ADAMTS16: variants seen among roughly 807,000 people sequenced by gnomAD.
ADAMTS16 encodes the protein A disintegrin and metalloproteinase with thrombospondin motifs 16.
In ADAMTS16, 94 loss-of-function variants were observed where a neutral mutation model predicts 145.8. The observed-to-expected ratio is 0.64, with a 90% CI of 0.55 to 0.77. The LOEUF is 0.77. ADAMTS16 is among the 30% of genes least tolerant of loss of function. The pLI, the probability that ADAMTS16 is intolerant of heterozygous loss-of-function variation, is 0.00. For missense variants in ADAMTS16, 1,585 were observed against 1,591.5 expected (o/e 1.00, Z 0.07); for synonymous variants, 659 against 604.3 (o/e 1.09, Z -1.33).
At chr5:5,316,209 G>T (rs1320250045) in intron 21 of ADAMTS16, among the ~76,000 whole-genome samples, 1 of 152,206 alleles carries the variant, frequency 6.6e-6, no homozygotes, top group Non-Finnish European at 1.5e-5. Context: ...TGCTGGAATG[G>T]TCTCTGACAT....
At chr5:5,177,180 G>T (rs926770503) in intron 3 of ADAMTS16, among the ~76,000 whole-genome samples, 2 of 152,178 alleles carry the variant, frequency 1.3e-5, no homozygotes, top group Admixed American at 1.3e-4. Context: ...CCTTTCTGAT[G>T]GATTATGATG....
chr5:5,204,503 A>G (rs1033864072), intron 9 of ADAMTS16, among the ~76,000 whole-genome samples: 16 of 152,138 alleles, frequency 1.1e-4, no homozygotes, highest in African/African-American at 3.6e-4. Context: ...CTCTTCCCCA[A>G]AGGTAACCAC....
chr5:5,254,674 A>G (rs1414753631), intron 17 of ADAMTS16, among the ~76,000 whole-genome samples: 1 of 152,174 alleles, frequency 6.6e-6, no homozygotes, highest in African/African-American at 2.4e-5. Context: ...CCTTTAATCC[A>G]TTACATGGTG....
intron 10 of ADAMTS16, among the ~76,000 whole-genome samples, chr5:5,219,818 C>CTT (rs1369039642): frequency 6.6e-6 from 1 of 152,182 alleles, no homozygotes; most frequent in Non-Finnish European, 1.5e-5. Flanking sequence ...TATTTGAAGG[C>CTT]TTTATACTTT....
intron 18 of ADAMTS16, among the ~76,000 whole-genome samples, chr5:5,270,054 T>C (rs1469625307): frequency 2.6e-5 from 4 of 152,180 alleles, no homozygotes; most frequent in Admixed American, 2.0e-4. Flanking sequence ...AATGTTCATA[T>C]TGCCCTCTGA....
chr5:5,301,748 G>A (rs973187712), intron 18 of ADAMTS16, among the ~76,000 whole-genome samples: 23 of 152,276 alleles, frequency 1.5e-4, no homozygotes, highest in Middle Eastern at 3.4e-3. Context: ...ACAAGTCCTC[G>A]GGTTTACCCT....
intron 1 of ADAMTS16, 51 bp from the exon 2 acceptor site, chr5:5,140,613 T>C (rs1314616309): frequency 7.2e-6 from 11 of 1,523,182 alleles, no homozygotes; most frequent in Non-Finnish European, 8.8e-6. Context: ...CCGCGGCTCC[T>C]CTCCCGCGGA....
chr5:5,237,155 C>T, intron 14 of ADAMTS16, 56 bp downstream of exon 14: 2 of 1,575,718 alleles, frequency 1.3e-6, no homozygotes, highest in Non-Finnish European at 8.7e-7. Context: ...TGCTTTGTGT[C>T]AAGCATCCTG....
Position 5,209,220 on chromosome 5 carries a change from A to G in ADAMTS16, c.1579A>G (p.Lys527Glu), listed in dbSNP as rs765060919. 6.2e-7 allele frequency: 1 copy of G among 1,614,012 alleles called. No homozygotes were observed. The highest frequency in any genetic ancestry group is 8.5e-7 in the Non-Finnish European group (1 of 1,179,888). The change falls in exon 10 of 23, where the codon AAG (lysine) becomes GAG (glutamate). Residue 527 changes from lysine to glutamate, a missense_variant. Physicochemically the swap from Lys to Glu is moderately conservative, Grantham distance 56. This residue lies in a region of ADAMTS16 where 298 missense variants were observed against 367.6 expected (regional missense o/e 0.81). Transcript: ENST00000274181. The part of the protein sequence containing the change: ...QCKWQFGEKA[K>E]LCMLDFKKDI... ...CAAGTGGCAGTTCGGAGAGAAAGCC[A>G]AGCTCTGCATGCTGGACTTTAAAAA...
At chr5:5,261,731 G>A (rs968715624) in intron 17 of ADAMTS16, among the ~76,000 whole-genome samples, 4 of 152,074 alleles carry the variant, frequency 2.6e-5, no homozygotes, top group African/African-American at 4.8e-5. Flanking sequence ...TGATCCACCC[G>A]CCTCGGCCGC....
chr5:5,243,817 C>G (rs746099540), intron 17 of ADAMTS16, among the ~76,000 whole-genome samples: 1 of 152,164 alleles, frequency 6.6e-6, no homozygotes, highest in Non-Finnish European at 1.5e-5. Flanking sequence ...ACTCAGTGTT[C>G]TCAGCTGCTA....
rs773028732 is a variant in ADAMTS16, at chr5:5,140,693, G to T, written c.102G>T (p.Ala34=). 3.8e-6 allele frequency: 6 copies of T among 1,563,638 alleles called. No homozygotes were observed. The highest frequency in any genetic ancestry group is 1.9e-5 in the Admixed American group (1 of 53,262). The change falls in exon 2 of 23, where the codon GCG becomes GCT. Residue 34 remains alanine, a synonymous_variant. Transcript: ENST00000274181. ...QAPACAMGPA[A]AAPGSPSVPR... is the part of the protein sequence containing the mutation. ...CTGCGTGCGCCATGGGACCCGCAGC[G>T]GCAGCGCCTGGGAGCCCGAGCGTCC...
intron 17 of ADAMTS16, 56 bp downstream of exon 17, chr5:5,242,247 G>A (rs771749407): frequency 1.1e-5 from 18 of 1,596,224 alleles, no homozygotes; most frequent in East Asian, 9.0e-5. Context: ...CAGCCACTGC[G>A]TACATTGCAC....
chr5:5,230,879 C>T (rs936181867), intron 11 of ADAMTS16, among the ~76,000 whole-genome samples: 14 of 152,192 alleles, frequency 9.2e-5, no homozygotes, highest in Non-Finnish European at 2.1e-4. Flanking sequence ...GGCTTCGAAT[C>T]CTGTTCTTCA....
At position 5,319,752 on chromosome 5, in the gene ADAMTS16, G is replaced by A. The variant is rs1734213173; in HGVS notation, c.*614G>A. 1 of 418,638 alleles carries A rather than the reference G, an allele frequency of 2.4e-6. No individual in the cohort carries two copies. Among genetic ancestry groups the A allele is most frequent in the African/African-American group, 2.1e-5 (1 of 48,350 alleles). 25.9% of individuals were successfully genotyped at this position (418,638 alleles called of 1,614,324 possible). A position where few individuals can be genotyped will look rare whatever the true frequency, so the allele number is the denominator to read the frequency against. ...GTCATCTCTAGGGTCACTGGCCAGG[G>A]GACTGCATTCTGGTTTGGGACTTTG... is the stretch of plus-strand genomic sequence containing the variant. On this transcript the variant is annotated 3_prime_UTR_variant, in exon 23 of 23. Transcript: ENST00000274181.
intron 10 of ADAMTS16, among the ~76,000 whole-genome samples, chr5:5,214,257 G>A (rs922504343): frequency 1.3e-5 from 2 of 152,282 alleles, no homozygotes; most frequent in African/African-American, 4.8e-5. Flanking sequence ...TTTGATACCA[G>A]TTACTTCATA....
At chr5:5,165,382 C>T (rs1198895528) in intron 3 of ADAMTS16, among the ~76,000 whole-genome samples, 2 of 152,152 alleles carry the variant, frequency 1.3e-5, no homozygotes, top group African/African-American at 4.8e-5. Context: ...GTGTTATCTA[C>T]ACAAATGCAG....
rs898954571 is a variant in ADAMTS16, at chr5:5,236,820, G to A, written c.2024-149G>A. ...AAAGAAACAAAACAAAACATAATGA[G>A]GCAACCATTAAAAATGCCATTGTAA... On this transcript the variant is annotated intron_variant, in intron 13 of 22. Coordinates refer to ENST00000274181, the MANE Select transcript of ADAMTS16 (RefSeq NM_139056.4). 18 of 997,032 alleles carry A rather than the reference G, an allele frequency of 1.8e-5. No individual in the cohort carries two copies. The African/African-American group carries it at 2.8e-4, about 16-fold the overall frequency. The allele number at this position is 997,032 out of a possible 1,614,324, so 61.8% of individuals were successfully genotyped here.
intron 11 of ADAMTS16, among the ~76,000 whole-genome samples, chr5:5,228,019 T>C (rs1399556376): frequency 3.9e-5 from 6 of 152,240 alleles, no homozygotes; most frequent in African/African-American, 1.4e-4. Context: ...CTGTCATTTA[T>C]CAAAGAAAAG....
Sources: allele counts gnomAD v4.1 joint callset (sites outside exome capture counted in the v4.1 genomes callset), GRCh38; gene constraint gnomAD v4.1.1; regional missense constraint gnomAD v4.1.1; transcripts MANE v1.5; gene names NCBI Gene and HGNC (gene_info 2026-07-23, HGNC 2026-07-21).